WNT8A: variants seen among roughly 807,000 people sequenced by gnomAD.
WNT8A encodes the protein protein Wnt-8a.
WNT8A carries 14 observed loss-of-function variants against 20.5 expected under a neutral mutation model. That is an observed-to-expected ratio of 0.68 (90% confidence interval 0.45 to 1.07). The LOEUF is 1.07. Among genes scored for constraint, WNT8A ranks in the 50% least tolerant of loss-of-function variants. WNT8A has a pLI of 0.00. For missense variants in WNT8A, 397 were observed against 462.9 expected (o/e 0.86, Z 1.31); for synonymous variants, 167 against 169.2 (o/e 0.99, Z 0.10).
chr5:138,079,683 C>T (rs963394839), upstream of WNT8A, among the ~76,000 whole-genome samples: 142 of 152,184 alleles, frequency 9.3e-4, 3 homozygotes, highest in Non-Finnish European at 3.5e-4. Context: ...GTCACAGGCT[C>T]ATCTGTCCCT....
Position 138,091,255 on chromosome 5 carries a change from C to T in WNT8A, c.*182C>T, listed in dbSNP as rs1201063559. The stretch of plus-strand genomic sequence containing the variant: ...ATTCTACAGCATATTCCTGGCGGGG[C>T]TGAAATTGGAACCTGGGCCTCCTGA... On this transcript the variant is annotated 3_prime_UTR_variant, in exon 5 of 5. Coordinates refer to ENST00000506684, the MANE Select transcript of WNT8A (RefSeq NM_001300939.2). 2.5e-6 allele frequency: 4 copies of T among 1,572,274 alleles called. No homozygotes were observed. In the African/African-American group the frequency reaches 5.4e-5, roughly 21 times the overall value.
At chr5:138,085,853 C>CAAAA (rs11377173) in intron 2 of WNT8A, among the ~76,000 whole-genome samples, 8 of 74,698 alleles carry the variant, frequency 1.1e-4, no homozygotes, top group South Asian at 5.4e-4. Flanking sequence ...GACCTTGTCT[C>CAAAA]AAAAAAAAAA....
rs1750760245 is a variant in WNT8A, at chr5:138,088,964, T to C, written c.459T>C (p.Asn153=). The C allele has an allele frequency of 6.2e-7, 1 of 1,613,850 alleles. No individual in the cohort carries two copies. The highest frequency in any genetic ancestry group is 8.5e-7 in the Non-Finnish European group (1 of 1,179,968). ...HGWIWGGCSD[N]VEFGERISKL... ...GGATCTGGGGAGGCTGCAGCGACAA[T>C]GTGGAATTTGGGGAAAGGATCTCCA... The change falls in exon 4 of 5, where the codon AAT becomes AAC. Residue 153 remains asparagine (N), a synonymous_variant. Transcript: ENST00000506684.
chr5:138,084,606 C>T lies in WNT8A; in HGVS notation c.265C>T (p.Gln89Ter). The T allele has an allele frequency of 1.2e-6, 2 of 1,612,468 alleles. No homozygotes were observed. Among genetic ancestry groups the T allele is most frequent in the Non-Finnish European group, 1.7e-6 (2 of 1,179,092 alleles). The change falls in exon 2 of 5, where the codon CAG (glutamine) becomes TAG (stop). Residue 89 changes from glutamine (Q) to a stop codon, truncating the protein, a stop_gained. Transcript: ENST00000506684. LOFTEE classifies it high-confidence loss of function. ...ERWNCPENAL[Q>*]LSTHNRLRSA... ...CTGGAACTGCCCTGAAAATGCTCTT[C>T]AGCTCTCCACCCACAACAGGCTGAG...
chr5:138,079,476 A>G (rs1259016189), upstream of WNT8A, among the ~76,000 whole-genome samples: 1 of 151,952 alleles, frequency 6.6e-6, no homozygotes, highest in African/African-American at 2.4e-5. Flanking sequence ...TTATATCTAT[A>G]TGACAGAAAT....
chr5:138,082,916 TAAATA>T (rs1554086965), upstream of WNT8A, among the ~76,000 whole-genome samples: 22 of 142,288 alleles, frequency 1.5e-4, no homozygotes, highest in South Asian at 8.6e-4. Context: ...AATAAATAAA[TAAATA>T]AAATAAAATA....
chr5:138,090,030 T>C (rs1750794628), intron 4 of WNT8A, among the ~76,000 whole-genome samples: 1 of 152,090 alleles, frequency 6.6e-6, no homozygotes, highest in Admixed American at 6.6e-5. Flanking sequence ...GTGTTCAGAC[T>C]CAAGGAGCTC....
downstream of WNT8A, chr5:138,092,245 A>G (rs1328925644): frequency 1.3e-5 from 2 of 152,266 alleles, no homozygotes; most frequent in South Asian, 4.1e-4. Flanking sequence ...GAAACTAGAA[A>G]TATGCAACTC....
rs749916327 is a variant in WNT8A at position 138,090,812 on chromosome 5, G to C, written c.849G>C (p.Leu283=). ...ATTACTGTACCTGCAATTCCAGCCT[G>C]GGCATCTATGGCACAGAGGGTCGTG... is the stretch of plus-strand genomic sequence containing the variant. ...SPDYCTCNSS[L]GIYGTEGREC... The change falls in exon 5 of 5, where the codon CTG becomes CTC. Residue 283 remains leucine (L), a synonymous_variant. Transcript: ENST00000506684. 6.2e-7 allele frequency: 1 copy of C among 1,614,090 alleles called. No individual in the cohort carries two copies. The highest frequency in any genetic ancestry group is 1.3e-5 in the African/African-American group (1 of 74,946).
chr5:138,087,987 G>A, intron 3 of WNT8A, 56 bp downstream of exon 3: 2 of 1,602,054 alleles, frequency 1.2e-6, no homozygotes, highest in East Asian at 2.2e-5. Flanking sequence ...AGAGCTGAGT[G>A]CAGACTAAAG....
chr5:138,088,924 T>C lies in WNT8A; in HGVS notation c.422-3T>C, dbSNP rs753627902. ...GGAGAACTTATTCTGTCCTTGTATA[T>C]AGGAGGCCATGGCTGGATCTGGGGA... On this transcript the variant is annotated splice_region_variant and splice_polypyrimidine_tract_variant and intron_variant, in intron 3 of 4. Transcript: ENST00000506684. 5 of 1,613,376 alleles carry C rather than the reference T, an allele frequency of 3.1e-6. No individual in the cohort carries two copies. Among genetic ancestry groups the C allele is most frequent in the Non-Finnish European group, 4.2e-6 (5 of 1,179,794 alleles).
At chr5:138,087,724 T>C in intron 2 of WNT8A, 82 bp from the exon 3 acceptor site, 1 of 1,346,602 alleles carries the variant, frequency 7.4e-7, no homozygotes, top group Non-Finnish European at 1.0e-6. Flanking sequence ...ATAAGGGAGA[T>C]AAACAGTATT....
intron 2 of WNT8A, 108 bp from the exon 3 acceptor site, chr5:138,087,698 C>T (rs1325256592): frequency 5.6e-6 from 5 of 900,110 alleles, no homozygotes; most frequent in Non-Finnish European, 7.9e-6. Context: ...CCTCTTAAAC[C>T]CAAAGGAAGT....
intron 4 of WNT8A, 40 bp from the exon 5 acceptor site, chr5:138,090,488 C>T (rs7700786): frequency 6.3e-6 from 10 of 1,576,704 alleles, no homozygotes; most frequent in Non-Finnish European, 8.7e-6. Flanking sequence ...TTTGGTCTTC[C>T]CTACTCAGAG....
the WNT8A span, among the ~76,000 whole-genome samples, chr5:138,077,870 T>A: frequency 6.6e-6 from 1 of 152,032 alleles, no homozygotes; most frequent in Non-Finnish European, 1.5e-5. Context: ...GCTCCCAGAT[T>A]GATGAAAGAA....
downstream of WNT8A, among the ~76,000 whole-genome samples, chr5:138,091,832 T>A (rs1414656472): frequency 1.7e-5 from 2 of 116,412 alleles, no homozygotes; most frequent in South Asian, 3.1e-4. Flanking sequence ...GACTAAAAAA[T>A]AAATAAATAA....
intron 4 of WNT8A, 141 bp from the exon 5 acceptor site, chr5:138,090,387 T>C: frequency 1.4e-6 from 1 of 729,654 alleles, no homozygotes; most frequent in Non-Finnish European, 2.2e-6. Context: ...GGTCGAGGAA[T>C]AAATATTTTT....
At chr5:138,079,694 A>G (rs551717611), upstream of WNT8A, among the ~76,000 whole-genome samples, 1 of 152,294 alleles carries the variant, frequency 6.6e-6, no homozygotes, top group Non-Finnish European at 1.5e-5. Flanking sequence ...ATCTGTCCCT[A>G]CCATCATCTT....
At chr5:138,087,489 C>T (rs567860167) in intron 2 of WNT8A, among the ~76,000 whole-genome samples, 6 of 151,284 alleles carry the variant, frequency 4.0e-5, no homozygotes, top group Non-Finnish European at 7.4e-5. Flanking sequence ...CCCATCTCTA[C>T]TAGAAATACA....
Sources: gnomAD v4.1 joint callset for allele counts (sites outside exome capture counted in the v4.1 genomes callset) on GRCh38, gnomAD v4.1.1 for gene constraint, MANE v1.5 for transcripts, NCBI Gene and HGNC (gene_info 2026-07-23, HGNC 2026-07-21) for gene names.